The following IL1RAP variants were observed in gnomAD, a reference collection of about 807,000 sequenced individuals.
IL1RAP encodes the protein interleukin-1 receptor accessory protein.
IL1RAP carries 35 observed loss-of-function variants against 60.7 expected under a neutral mutation model. The ratio of observed to expected loss-of-function variants is 0.58; its 90% CI spans 0.44 to 0.76. IL1RAP has a LOEUF of 0.76. Among genes scored for constraint, IL1RAP ranks in the 30% least tolerant of loss-of-function variants. The pLI is 0.00. For missense variants in IL1RAP, 572 were observed against 693.9 expected, an observed-to-expected ratio of 0.82 and a Z score of 1.97; for synonymous variants, 268 against 250.9, an observed-to-expected ratio of 1.07 and a Z score of -0.64.
intron 1 of IL1RAP, among the ~76,000 whole-genome samples, chr3:190,542,301 T>G (rs767137512): frequency 6.6e-6 from 1 of 152,196 alleles, no homozygotes; most frequent in Non-Finnish European, 1.5e-5. Context: ...TCTGTTGCAG[T>G]CAGAGAACCT....
intron 3 of IL1RAP, among the ~76,000 whole-genome samples, chr3:190,581,900 C>G (rs1427510046): frequency 6.6e-6 from 1 of 151,940 alleles, no homozygotes; most frequent in Non-Finnish European, 1.5e-5. Context: ...TTTCAGGGTC[C>G]CTGCTATTCA....
intron 3 of IL1RAP, among the ~76,000 whole-genome samples, chr3:190,598,857 C>T (rs754279062): frequency 2.6e-5 from 4 of 152,020 alleles, no homozygotes; most frequent in East Asian, 1.9e-4. Context: ...CATATTTGGT[C>T]GAGTCAATAA....
At position 190,649,673 on chromosome 3, in the gene IL1RAP, T is replaced by C. The variant is rs1214352435; in HGVS notation, c.*968T>C. On this transcript the variant is annotated 3_prime_UTR_variant, in exon 12 of 12. Transcript: ENST00000447382. ...GTGATTTTTTCTCACTCGTTTTTGTTGCTCCATTGTAAAGGGCGGAGGTCA... is the reference window on the plus strand; with the variant it reads ...GTGATTTTTTCTCACTCGTTTTTGTCGCTCCATTGTAAAGGGCGGAGGTCA... 1 of 985,772 alleles carries C rather than the reference T, an allele frequency of 1.0e-6. No individual in the cohort carries two copies. The highest frequency in any genetic ancestry group is 1.2e-6 in the Non-Finnish European group (1 of 829,934). 61.1% of individuals were successfully genotyped at this position (985,772 alleles called of 1,614,324 possible).
At chr3:190,634,944 T>C (rs1449788446) in intron 9 of IL1RAP, among the ~76,000 whole-genome samples, 1 of 152,268 alleles carries the variant, frequency 6.6e-6, no homozygotes. Context: ...CTCGATCTCC[T>C]GACCTTGTGA....
rs1730608739 is a variant in IL1RAP at position 190,609,151 on chromosome 3, C to T, written c.507C>T (p.Ser169=). The T allele has an allele frequency of 2.5e-6, 4 of 1,610,982 alleles. No individual in the cohort carries two copies. Among genetic ancestry groups the T allele is most frequent in the Non-Finnish European group, 3.4e-6 (4 of 1,178,446 alleles). Residue 169 remains serine, a synonymous_variant, in exon 5 of 12, where the codon TCC becomes TCT. Transcript: ENST00000447382. ...CAAATGTAGATGGATATTTTCCTTC[C>T]AGTGTCAAACCGACTATCACTTGGT... ...TCPNVDGYFP[S]SVKPTITWYM... is the part of the protein sequence containing the mutation.
At chr3:190,614,859 G>C (rs1363749620) in intron 5 of IL1RAP, among the ~76,000 whole-genome samples, 4 of 152,104 alleles carry the variant, frequency 2.6e-5, no homozygotes, top group Non-Finnish European at 5.9e-5. Context: ...GGAAGGGCAG[G>C]GTGATCTTTG....
Position 190,598,113 on chromosome 3 carries a change from A to C in IL1RAP, c.65-6015A>C, listed in dbSNP as rs1388689867. On this transcript the variant is annotated intron_variant, in intron 3 of 11. Coordinates refer to ENST00000447382, the MANE Select transcript of IL1RAP (RefSeq NM_002182.4). Reference sequence around the variant, plus strand: ...TGATACACATTGTAGAGTGGGTTATAGGAAAGATACTAATTTCCATTTAAT... The same window carrying C: ...TGATACACATTGTAGAGTGGGTTATCGGAAAGATACTAATTTCCATTTAAT... Among the ~76,000 whole-genome samples the C allele has an allele frequency of 2.6e-5, 4 of 152,212 alleles. No individual in the cohort carries two copies. In the East Asian group the frequency reaches 7.7e-4, roughly 29 times the overall value.
chr3:190,655,467 T>C (rs1233074971), downstream of IL1RAP, among the ~76,000 whole-genome samples: 1 of 152,112 alleles, frequency 6.6e-6, no homozygotes, highest in African/African-American at 2.4e-5. Context: ...AGGAAGAAGA[T>C]TTCAAAACAA....
At chr3:190,594,413 T>C (rs1207347380) in intron 3 of IL1RAP, among the ~76,000 whole-genome samples, 1 of 152,248 alleles carries the variant, frequency 6.6e-6, no homozygotes, top group Non-Finnish European at 1.5e-5. Flanking sequence ...TCCTCATTCT[T>C]ACCGTTCATT....
At chr3:190,536,940 A>G (rs868735891) in intron 1 of IL1RAP, among the ~76,000 whole-genome samples, 1 of 152,188 alleles carries the variant, frequency 6.6e-6, no homozygotes, top group Middle Eastern at 3.2e-3. Context: ...TAGTAGTTAT[A>G]TATGGTTATA....
intron 3 of IL1RAP, among the ~76,000 whole-genome samples, chr3:190,569,533 A>G (rs1258128716): frequency 2.0e-5 from 3 of 151,490 alleles, no homozygotes; most frequent in Admixed American, 6.6e-5. Context: ...GAATTACAGA[A>G]TTTCACCCTG....
chr3:190,548,987 A>G (rs1469876717), intron 1 of IL1RAP, among the ~76,000 whole-genome samples: 2 of 152,084 alleles, frequency 1.3e-5, no homozygotes, highest in Admixed American at 6.6e-5. Context: ...AAAGAGGTTC[A>G]TGGTCAAATT....
chr3:190,514,501 G>A (rs1721324508), intron 1 of IL1RAP, among the ~76,000 whole-genome samples: 1 of 152,098 alleles, frequency 6.6e-6, no homozygotes, highest in Non-Finnish European at 1.5e-5. Context: ...CCTTTGAGGG[G>A]TCTACCCTTG....
intron 3 of IL1RAP, among the ~76,000 whole-genome samples, chr3:190,571,413 G>C (rs1240389419): frequency 1.3e-5 from 2 of 152,114 alleles, no homozygotes; most frequent in Non-Finnish European, 2.9e-5. Context: ...CTAATCAGGA[G>C]GCTGAGGTGG....
At chr3:190,636,024 A>T (rs1234814241) in intron 9 of IL1RAP, among the ~76,000 whole-genome samples, 1 of 152,120 alleles carries the variant, frequency 6.6e-6, no homozygotes, top group Admixed American at 6.5e-5. Flanking sequence ...TGCACACTTG[A>T]TTCTAATTTC....
In IL1RAP at chr3:190,617,143, G is replaced by A. The variant is rs776547044; in HGVS notation, c.538-3132G>A. ...TTTCTTCATTAAGTTTTTCTAAGTT[G>A]TTTTGTTTTTATTTCATACTCCCTT... On this transcript the variant is annotated intron_variant, in intron 5 of 11. Coordinates refer to ENST00000447382, the MANE Select transcript of IL1RAP (RefSeq NM_002182.4). Among the ~76,000 whole-genome samples the A allele has an allele frequency of 1.3e-4, 20 of 152,116 alleles. 1 individual carries two copies. The South Asian group carries it at 2.3e-3, about 17-fold the overall frequency.
At chr3:190,567,434 C>T (rs114068118) in intron 3 of IL1RAP, among the ~76,000 whole-genome samples, 2,920 of 152,228 alleles carry the variant, frequency 0.019, 44 homozygotes, top group Non-Finnish European at 0.029. Context: ...ACACCCAAAC[C>T]ATGGGGTAGT....
At chr3:190,577,100 CAAAAA>C (rs34108263) in intron 3 of IL1RAP, among the ~76,000 whole-genome samples, 2 of 86,534 alleles carry the variant, frequency 2.3e-5, no homozygotes, top group South Asian at 4.0e-4. Context: ...GACTCCGTCT[CAAAAA>C]AAAAAAAAAA....
chr3:190,650,718 C>A lies in IL1RAP; in HGVS notation c.*2013C>A. On this transcript the variant is annotated 3_prime_UTR_variant, in exon 12 of 12. Coordinates refer to ENST00000447382, the MANE Select transcript of IL1RAP (RefSeq NM_002182.4). ...CATTCTTGGATCTACTTTTTTTTAG[C>A]CTTATTAATATTTTTCCCTATTAGA... The A allele has an allele frequency of 3.1e-6, 3 of 979,564 alleles. No individual in the cohort carries two copies. The highest frequency in any genetic ancestry group is 3.6e-6 in the Non-Finnish European group (3 of 824,854). The allele number at this position is 979,564 out of a possible 1,614,324, so 60.7% of individuals were successfully genotyped here.
Sources: allele counts gnomAD v4.1 joint callset (sites outside exome capture counted in the v4.1 genomes callset), GRCh38; gene constraint gnomAD v4.1.1; transcripts MANE v1.5; gene names NCBI Gene and HGNC (gene_info 2026-07-23, HGNC 2026-07-21).